Variants in KDM4B observed in about 807,000 individuals in gnomAD.
The protein encoded by KDM4B is lysine-specific demethylase 4B.
In KDM4B, 32 loss-of-function variants were observed where a neutral mutation model predicts 125.2. The ratio of observed to expected loss-of-function variants is 0.26; its 90% CI spans 0.19 to 0.34. The LOEUF (loss-of-function observed/expected upper bound fraction) is 0.34, where lower values mean the gene tolerates loss of function less well. Ranked by LOEUF, KDM4B falls within the 10% of genes least tolerant of loss-of-function variation. The pLI, the probability that KDM4B is intolerant of heterozygous loss-of-function variation, is 1.00. For synonymous variants in KDM4B, 721 were observed against 677.9 expected (o/e 1.06, Z -0.99); for missense variants, 1,190 against 1,577.7 (o/e 0.75, Z 4.16).
chr19:5,106,049 T>C (rs1335648116), intron 9 of KDM4B, among the ~76,000 whole-genome samples: 1 of 152,230 alleles, frequency 6.6e-6, no homozygotes, highest in Admixed American at 6.5e-5. Flanking sequence ...TTCCCTGTCT[T>C]GAGAGAGCTC....
At chr19:5,097,991 G>T (rs2038861293) in intron 9 of KDM4B, among the ~76,000 whole-genome samples, 1 of 152,238 alleles carries the variant, frequency 6.6e-6, no homozygotes, top group Non-Finnish European at 1.5e-5. Flanking sequence ...CAAGCTCTGT[G>T]GAAGGTTTCT....
At chr19:5,077,827 C>T (rs1184229100) in intron 8 of KDM4B, 2 of 264,560 alleles carry the variant, frequency 7.6e-6, no homozygotes. Context: ...GAGGGCAGGG[C>T]CCCTCGTCCC....
chr19:5,143,441 A>T (rs895563718), intron 18 of KDM4B, among the ~76,000 whole-genome samples: 1 of 151,978 alleles, frequency 6.6e-6, no homozygotes, highest in East Asian at 1.9e-4. Flanking sequence ...TCATCACCCC[A>T]TGAAGAATGG....
At chr19:4,976,787 G>A (rs763360700) in intron 1 of KDM4B, among the ~76,000 whole-genome samples, 4 of 152,168 alleles carry the variant, frequency 2.6e-5, no homozygotes, top group Non-Finnish European at 5.9e-5. Context: ...GCCGAGTGGG[G>A]GACTGTGCCC....
At chr19:5,065,875 G>A (rs978686579) in intron 6 of KDM4B, among the ~76,000 whole-genome samples, 6 of 152,204 alleles carry the variant, frequency 3.9e-5, no homozygotes, top group African/African-American at 7.2e-5. Context: ...CAAGGCTGTC[G>A]GGGCCTCGCA....
At position 5,135,487 on chromosome 19, in the gene KDM4B, C is replaced by T. The variant is rs748009178; in HGVS notation, c.2234C>T (p.Ala745Val). Reference protein sequence around the residue: ...SGGENTEPLPANSYIGDDGTS... With the variant: ...SGGENTEPLPVNSYIGDDGTS... The stretch of plus-strand genomic sequence containing the variant: ...GGTGAGAACACGGAGCCGCTGCCTG[C>T]CAACTCCTACATCGGCGACGACGGG... The change falls in exon 15 of 23, where the codon GCC becomes GTC. Residue 745 changes from alanine to valine, a missense_variant. Coordinates refer to ENST00000159111, the MANE Select transcript of KDM4B (RefSeq NM_015015.3). 1.2e-6 allele frequency: 2 copies of T among 1,613,008 alleles called. No homozygotes were observed. Among genetic ancestry groups the T allele is most frequent in the East Asian group, 2.2e-5 (1 of 44,868 alleles).
In KDM4B at chr19:5,152,874, C is replaced by T. The variant is rs1335847053; in HGVS notation, c.*1363C>T. On this transcript the variant is annotated 3_prime_UTR_variant, in exon 23 of 23. Transcript: ENST00000159111. The stretch of plus-strand genomic sequence containing the variant: ...CAGCCTGGGCTATATAGCAAGACCC[C>T]ATCACTACAAATTTTTTACAAATTA... 6.6e-6 allele frequency: 1 copy of T among 152,160 alleles called. No homozygotes were observed. The highest frequency in any genetic ancestry group is 2.4e-5 in the African/African-American group (1 of 41,424). 9.4% of individuals were successfully genotyped at this position (152,160 alleles called of 1,614,324 possible).
At chr19:5,084,189 G>A (rs1053013722) in intron 9 of KDM4B, among the ~76,000 whole-genome samples, 21 of 151,498 alleles carry the variant, frequency 1.4e-4, no homozygotes, top group African/African-American at 3.6e-4. Context: ...GGAGGTTGCA[G>A]TGAGCTGAGA....
intron 16 of KDM4B, 84 bp from the exon 17 acceptor site, chr19:5,137,537 G>A (rs2039670410): frequency 7.1e-7 from 1 of 1,405,872 alleles, no homozygotes; most frequent in South Asian, 1.2e-5. Context: ...CGTGGGCTGG[G>A]GACGGTTGGC....
At chr19:5,088,404 T>G (rs996791384) in intron 9 of KDM4B, among the ~76,000 whole-genome samples, 1 of 152,090 alleles carries the variant, frequency 6.6e-6, no homozygotes, top group African/African-American at 2.4e-5. Context: ...GCAGGCCATA[T>G]CACTCGGACA....
chr19:5,117,679 T>C (rs2039283866), intron 10 of KDM4B, among the ~76,000 whole-genome samples: 2 of 152,072 alleles, frequency 1.3e-5, no homozygotes, highest in South Asian at 4.1e-4. Context: ...TGGAGAACGT[T>C]CTCTGGAGGG....
At chr19:5,049,593 C>A (rs922530477) in intron 6 of KDM4B, among the ~76,000 whole-genome samples, 14 of 152,046 alleles carry the variant, frequency 9.2e-5, no homozygotes, top group African/African-American at 3.4e-4. Context: ...CCACTCGCCC[C>A]CACAGTCAGC....
intron 10 of KDM4B, 86 bp from the exon 11 acceptor site, chr19:5,119,567 G>A (rs1240464678): frequency 7.6e-7 from 1 of 1,312,270 alleles, no homozygotes. Context: ...GGTGGGCGGG[G>A]GCTGCGTGCT....
At chr19:5,132,362 T>G (rs747820615) in intron 13 of KDM4B, among the ~76,000 whole-genome samples, 3 of 152,112 alleles carry the variant, frequency 2.0e-5, no homozygotes, top group Non-Finnish European at 4.4e-5. Context: ...CGCGAAGCTT[T>G]GAGTGGGAGG....
chr19:5,085,889 A>G (rs1199528484), intron 9 of KDM4B, among the ~76,000 whole-genome samples: 1 of 152,192 alleles, frequency 6.6e-6, no homozygotes, highest in African/African-American at 2.4e-5. Flanking sequence ...CTGTTAGAGC[A>G]TCTCGCCGCA....
At chr19:5,094,730 G>A (rs1191217969) in intron 9 of KDM4B, among the ~76,000 whole-genome samples, 5 of 152,192 alleles carry the variant, frequency 3.3e-5, no homozygotes, top group African/African-American at 1.2e-4. Context: ...GTGTGCTGTT[G>A]AGATGCGTCA....
At chr19:5,041,280 G>A in intron 5 of KDM4B, 29 bp downstream of exon 5, 2 of 1,557,392 alleles carry the variant, frequency 1.3e-6, no homozygotes, top group Non-Finnish European at 1.8e-6. Flanking sequence ...GGAAGAACAG[G>A]GACCAGCTTC....
At chr19:4,981,930 C>A (rs1004128359) in intron 1 of KDM4B, among the ~76,000 whole-genome samples, 2 of 152,188 alleles carry the variant, frequency 1.3e-5, no homozygotes, top group African/African-American at 4.8e-5. Context: ...ACCCCTGCCT[C>A]ACACCATGGC....
At chr19:5,086,937 T>TA (rs1228453309) in intron 9 of KDM4B, among the ~76,000 whole-genome samples, 1 of 152,178 alleles carries the variant, frequency 6.6e-6, no homozygotes, top group Non-Finnish European at 1.5e-5. Flanking sequence ...CCCAGAGAAA[T>TA]ACGATCTCCC....
Sources: gnomAD v4.1 joint callset for allele counts (sites outside exome capture counted in the v4.1 genomes callset) on GRCh38, gnomAD v4.1.1 for gene constraint, MANE v1.5 for transcripts, NCBI Gene and HGNC (gene_info 2026-07-23, HGNC 2026-07-21) for gene names.